Variants in SLC25A23 observed in about 807,000 individuals in gnomAD.
The protein encoded by SLC25A23 is mitochondrial adenyl nucleotide antiporter SLC25A23.
Under a neutral mutation model 53.9 loss-of-function variants are expected in SLC25A23, and 32 were observed. That is an observed-to-expected ratio of 0.59 (90% CI 0.45 to 0.80). The LOEUF is 0.80. Among genes scored for constraint, SLC25A23 ranks in the 30% least tolerant of loss-of-function variants. The pLI is 0.00. For synonymous variants in SLC25A23, 275 were observed against 264.5 expected (o/e 1.04, Z -0.38); for missense variants, 575 against 651.4 (o/e 0.88, Z 1.28).
At chr19:6,439,072 A>AAGTT (rs113338204), downstream of SLC25A23, among the ~76,000 whole-genome samples, 2,774 of 149,894 alleles carry the variant, frequency 0.019, 35 homozygotes, top group South Asian at 0.039. Flanking sequence ...AACAAACAAA[A>AAGTT]AGTTGGGCAT....
intron 8 of SLC25A23, among the ~76,000 whole-genome samples, chr19:6,446,338 G>C (rs941443188): frequency 2.0e-5 from 3 of 152,140 alleles, no homozygotes; most frequent in African/African-American, 7.2e-5. Context: ...ACTCCAGCCT[G>C]GGCAATAAGA....
At chr19:6,458,115 C>G (rs916480083) in intron 2 of SLC25A23, 83 bp downstream of exon 2, 25 of 1,526,414 alleles carry the variant, frequency 1.6e-5, no homozygotes, top group African/African-American at 4.1e-5. Flanking sequence ...CCTCCTAGCG[C>G]TGCCAGTTCT....
At chr19:6,439,188 C>A (rs1472967787), downstream of SLC25A23, among the ~76,000 whole-genome samples, 1 of 151,618 alleles carries the variant, frequency 6.6e-6, no homozygotes, top group Admixed American at 6.6e-5. Context: ...CCACTGCACT[C>A]CAGCCTGGGT....
At chr19:6,448,165 C>A (rs778475227) in intron 8 of SLC25A23, among the ~76,000 whole-genome samples, 1 of 152,148 alleles carries the variant, frequency 6.6e-6, no homozygotes, top group Non-Finnish European at 1.5e-5. Context: ...CTTTGCTTTG[C>A]GGCTGGGAGA....
chr19:6,448,155 C>T (rs1233325252), intron 8 of SLC25A23, among the ~76,000 whole-genome samples: 4 of 152,180 alleles, frequency 2.6e-5, no homozygotes, highest in East Asian at 1.9e-4. Context: ...ACAAGACCTT[C>T]TTTGCTTTGC....
intron 9 of SLC25A23, among the ~76,000 whole-genome samples, chr19:6,442,675 A>C (rs1292202890): frequency 2.0e-5 from 3 of 152,092 alleles, no homozygotes; most frequent in Non-Finnish European, 4.4e-5. Context: ...CAGCCTGCCA[A>C]GTAGCCGGGA....
intron 8 of SLC25A23, among the ~76,000 whole-genome samples, chr19:6,446,316 T>G (rs1201523058): frequency 6.7e-6 from 1 of 149,198 alleles, no homozygotes; most frequent in African/African-American, 2.5e-5. Flanking sequence ...CGAGGCAAGA[T>G]CACACCACTG....
At chr19:6,438,535 C>G (rs2092364368), downstream of SLC25A23, 1 of 152,724 alleles carries the variant, frequency 6.5e-6, no homozygotes, top group Admixed American at 6.6e-5. Context: ...TGATGAAATC[C>G]TATTTCCACA....
rs578153465 is a variant in SLC25A23 at position 6,459,709 on chromosome 19, C to T, written c.-81G>A. The T allele has an allele frequency of 0.025, 29,662 of 1,176,894 alleles. 406 individuals carry two copies. Among genetic ancestry groups the T allele is most frequent in the Non-Finnish European group, 0.028 (26,545 of 938,360 alleles). 72.9% of individuals were successfully genotyped at this position (1,176,894 alleles called of 1,614,324 possible). ...CGCGGCTCCCCCTCCCCCCCCGGGA[C>T]CCCGCAGGGTCAGCTCCCGCGGCCG... On this transcript the variant is annotated 5_prime_UTR_variant, in exon 1 of 10. Coordinates refer to ENST00000301454, the MANE Select transcript of SLC25A23 (RefSeq NM_024103.3). This position sits in a 1 kb window ranked among gnomAD's most constrained non-coding sequence, Gnocchi z 4.6.
chr19:6,458,153 A>G, intron 2 of SLC25A23, 45 bp downstream of exon 2: 1 of 1,603,838 alleles, frequency 6.2e-7, no homozygotes, highest in East Asian at 2.2e-5. Flanking sequence ...TAGGGCCCCC[A>G]CAGCCCTATC....
chr19:6,457,582 C>G lies in SLC25A23; in HGVS notation c.292G>C (p.Asp98His), dbSNP rs2092699649. 3 of 1,613,920 alleles carry G rather than the reference C, an allele frequency of 1.9e-6. No homozygotes were observed. The highest frequency in any genetic ancestry group is 2.5e-6 in the Non-Finnish European group (3 of 1,179,994). ...AAACTCTGTTGGATCTCAGAGACAT[C>G]AATGTGACCTGGGGAGGGGGCCGGA... ...SLDRNQDGHI[D>H]VSEIQQSFRA... Residue 98 changes from aspartate to histidine, a missense_variant, in exon 3 of 10, where the codon GAT becomes CAT. Transcript: ENST00000301454.
At chr19:6,439,416 C>CACAG (rs1568357275), downstream of SLC25A23, among the ~76,000 whole-genome samples, 5 of 151,420 alleles carry the variant, frequency 3.3e-5, no homozygotes, top group African/African-American at 1.2e-4. Flanking sequence ...CACACACACA[C>CACAG]ACACACACAC....
chr19:6,437,592 G>A (rs1261120010), downstream of SLC25A23, among the ~76,000 whole-genome samples: 2 of 151,746 alleles, frequency 1.3e-5, no homozygotes, highest in African/African-American at 4.8e-5. Flanking sequence ...GGCGGATCAC[G>A]AGGTCAGGAG....
At chr19:6,455,026 C>A (rs1260912771) in intron 4 of SLC25A23, among the ~76,000 whole-genome samples, 1 of 152,192 alleles carries the variant, frequency 6.6e-6, no homozygotes, top group Non-Finnish European at 1.5e-5. Flanking sequence ...TGATGCCTCA[C>A]ATCTGTAGTC....
chr19:6,451,078 G>A (rs1425760933), intron 8 of SLC25A23, among the ~76,000 whole-genome samples: 2 of 133,132 alleles, frequency 1.5e-5, no homozygotes, highest in African/African-American at 2.9e-5. Flanking sequence ...ACTCTGTCTC[G>A]GGAAAAAAAA....
downstream of SLC25A23, chr19:6,438,637 T>C: frequency 6.3e-6 from 1 of 158,096 alleles, no homozygotes; most frequent in Non-Finnish European, 1.4e-5. Flanking sequence ...TCACCTGAGG[T>C]CAGGAGTTCG....
intron 7 of SLC25A23, 81 bp downstream of exon 7, chr19:6,453,900 T>G: frequency 8.9e-7 from 1 of 1,123,690 alleles, no homozygotes; most frequent in Non-Finnish European, 1.3e-6. Flanking sequence ...TCCCAATGGA[T>G]ATTGTGAAAT....
At position 6,459,408 on chromosome 19, in the gene SLC25A23, A is replaced by G. The variant is rs971502362; in HGVS notation, c.156+65T>C. On this transcript the variant is annotated intron_variant, in intron 1 of 9. Coordinates refer to ENST00000301454, the MANE Select transcript of SLC25A23 (RefSeq NM_024103.3). This position sits in a 1 kb window ranked among gnomAD's most constrained non-coding sequence, Gnocchi z 4.6. ...CCTGGTGGCTCCGGCCGCCCAGTTC[A>G]GGGGCTTGGGTAACCGGGAGCGGGC... The G allele has an allele frequency of 2.8e-6, 4 of 1,434,998 alleles. No individual in the cohort carries two copies. Among genetic ancestry groups the G allele is most frequent in the African/African-American group, 2.9e-5 (2 of 68,504 alleles). 88.9% of individuals were successfully genotyped at this position (1,434,998 alleles called of 1,614,324 possible). A position where few individuals can be genotyped will look rare whatever the true frequency, so the allele number is the denominator to read the frequency against.
In SLC25A23 at chr19:6,454,426, C is replaced by A. The variant is rs763593363; in HGVS notation, c.692G>T (p.Ser231Ile). ...NRLNILGGLR[S>I]MVLEGGIRSL... ...GCGGATGCCTCCCTCAAGGACCATGCTTCGAAGCCCCCCAAGGATGTTCAG... is the reference window on the plus strand; with the variant it reads ...GCGGATGCCTCCCTCAAGGACCATGATTCGAAGCCCCCCAAGGATGTTCAG... The change falls in exon 6 of 10, where the codon AGC (serine) becomes ATC (isoleucine). Residue 231 changes from serine to isoleucine, a missense_variant. Coordinates refer to ENST00000301454, the MANE Select transcript of SLC25A23 (RefSeq NM_024103.3). This position sits in a 1 kb window ranked among gnomAD's most constrained non-coding sequence, Gnocchi z 4.3. The A allele has an allele frequency of 6.2e-7, 1 of 1,614,176 alleles. No homozygotes were observed. The highest frequency in any genetic ancestry group is 1.1e-5 in the South Asian group (1 of 91,086).
Sources: allele counts gnomAD v4.1 joint callset (sites outside exome capture counted in the v4.1 genomes callset), GRCh38; gene constraint gnomAD v4.1.1; non-coding constraint Gnocchi (gnomAD v3.1); transcripts MANE v1.5; gene names NCBI Gene and HGNC (gene_info 2026-07-23, HGNC 2026-07-21).